The following MMP26 variants were observed in gnomAD, a reference collection of about 807,000 sequenced individuals.
MMP26 encodes the protein matrix metallopeptidase 26.
A neutral mutation model predicts 31.0 loss-of-function variants in MMP26; 33 were observed. That is an observed-to-expected ratio of 1.06 (90% CI 0.81 to 1.42). The LOEUF (loss-of-function observed/expected upper bound fraction) is 1.42, where lower values mean the gene tolerates loss of function less well. Ranked by LOEUF, MMP26 falls within the 40% of genes most tolerant of loss-of-function variation. The probability of loss-of-function intolerance (pLI) is 0.00; values close to 1 mark genes in which losing one functional copy is unlikely to be tolerated. For missense variants in MMP26, 347 were observed against 316.1 expected (o/e 1.10, Z -0.74); for synonymous variants, 122 against 114.9 (o/e 1.06, Z -0.40).
At chr11:4,815,027 T>A (rs1413750918) in intron 2 of MMP26, among the ~76,000 whole-genome samples, 1 of 152,128 alleles carries the variant, frequency 6.6e-6, no homozygotes, top group Non-Finnish European at 1.5e-5. Flanking sequence ...AGATATACAT[T>A]TTTTTCAGTC....
At chr11:4,799,097 C>G (rs748618184) in intron 2 of MMP26, among the ~76,000 whole-genome samples, 7 of 152,140 alleles carry the variant, frequency 4.6e-5, no homozygotes, top group Non-Finnish European at 8.8e-5. Context: ...AAAATGGAGT[C>G]CCTCAGTCAA....
At chr11:4,859,904 C>T (rs1320312013) in intron 2 of MMP26, 2 of 471,070 alleles carry the variant, frequency 4.2e-6, no homozygotes, top group Non-Finnish European at 8.8e-6. Flanking sequence ...AGGGTGAGTA[C>T]ATAAGACAGT....
In MMP26 at chr11:4,779,247, A is replaced by T. The variant is rs529218984; in HGVS notation, c.-145+11906A>T. 1.6e-4 allele frequency among the ~76,000 whole-genome samples: 24 copies of T among 152,100 alleles called. No homozygotes were observed. In the South Asian group the frequency reaches 5.0e-3, roughly 32 times the overall value. ...TATGATTTTTGAAGAGAAATTTTCT[A>T]TTTCTGGTTTACTAAGTTACCATGA... On this transcript the variant is annotated intron_variant, in intron 2 of 7. Coordinates refer to ENST00000380390, the MANE Select transcript of MMP26 (RefSeq NM_021801.5).
At chr11:4,926,736 G>T (rs1449430904) in intron 2 of MMP26, among the ~76,000 whole-genome samples, 1 of 152,022 alleles carries the variant, frequency 6.6e-6, no homozygotes, top group Admixed American at 6.6e-5. Flanking sequence ...TTTTGGATAT[G>T]GGTAAGAGGC....
intron 2 of MMP26, among the ~76,000 whole-genome samples, chr11:4,957,641 T>C (rs1230703238): frequency 6.6e-6 from 1 of 152,166 alleles, no homozygotes; most frequent in Non-Finnish European, 1.5e-5. Context: ...TGGTTGCCTG[T>C]TAAACTCACA....
intron 2 of MMP26, among the ~76,000 whole-genome samples, chr11:4,868,246 G>C (rs1050119264): frequency 6.6e-6 from 1 of 152,074 alleles, no homozygotes; most frequent in Non-Finnish European, 1.5e-5. Flanking sequence ...TGTGCTGGAG[G>C]GTATTCAGTT....
intron 1 of MMP26, chr11:4,719,041 G>A (rs1210814906): frequency 6.3e-6 from 1 of 157,980 alleles, no homozygotes; most frequent in Non-Finnish European, 1.4e-5. Flanking sequence ...TCTTAAAATA[G>A]CACAGATTTG....
At chr11:4,882,517 C>G in intron 2 of MMP26, 1 of 1,613,924 alleles carries the variant, frequency 6.2e-7, no homozygotes, top group South Asian at 1.1e-5. Flanking sequence ...TTCTTCAGCT[C>G]TACCTGAATG....
At chr11:4,968,070 C>G (rs1254126377) in intron 2 of MMP26, among the ~76,000 whole-genome samples, 1 of 152,058 alleles carries the variant, frequency 6.6e-6, no homozygotes, top group Non-Finnish European at 1.5e-5. Context: ...TTTCATGAAT[C>G]CATTCAGTTC....
chr11:4,824,022 T>G (rs921660231), intron 2 of MMP26, among the ~76,000 whole-genome samples: 24 of 152,144 alleles, frequency 1.6e-4, no homozygotes, highest in African/African-American at 5.8e-4. Context: ...TGGGTATTCT[T>G]TGTTTAATGA....
At chr11:4,924,047 G>A (rs1280543796) in intron 2 of MMP26, 3 of 1,614,156 alleles carry the variant, frequency 1.9e-6, no homozygotes, top group Admixed American at 1.7e-5. Flanking sequence ...AGTGAAACAG[G>A]CAGGGATGCC....
At chr11:4,802,823 A>G (rs980364090) in intron 2 of MMP26, among the ~76,000 whole-genome samples, 1 of 152,160 alleles carries the variant, frequency 6.6e-6, no homozygotes, top group African/African-American at 2.4e-5. Context: ...TTAAGATTAT[A>G]TCTTGCTTAT....
intron 2 of MMP26, among the ~76,000 whole-genome samples, chr11:4,940,054 A>AC (rs1846185808): frequency 6.6e-6 from 1 of 151,510 alleles, no homozygotes; most frequent in Non-Finnish European, 1.5e-5. Flanking sequence ...TAGGACAAAC[A>AC]CCCCCAAATG....
intron 2 of MMP26, among the ~76,000 whole-genome samples, chr11:4,777,949 T>G (rs1013938615): frequency 2.0e-5 from 3 of 152,114 alleles, no homozygotes; most frequent in Non-Finnish European, 4.4e-5. Context: ...TATGCATACC[T>G]TTTCAATGGT....
intron 2 of MMP26, among the ~76,000 whole-genome samples, chr11:4,979,681 T>C (rs529056334): frequency 6.6e-6 from 1 of 152,230 alleles, no homozygotes; most frequent in South Asian, 2.1e-4. Flanking sequence ...CTCCTTTTAA[T>C]GCACTTGTGT....
At chr11:4,712,415 C>T (rs1056244214) in intron 1 of MMP26, 2 of 152,108 alleles carry the variant, frequency 1.3e-5, no homozygotes, top group Non-Finnish European at 2.9e-5. Flanking sequence ...AATGGAAAAA[C>T]AACCAGCCCA....
chr11:4,721,829 A>C (rs930120239), intron 1 of MMP26, among the ~76,000 whole-genome samples: 1 of 152,172 alleles, frequency 6.6e-6, no homozygotes, highest in Non-Finnish European at 1.5e-5. Flanking sequence ...CAGAAGGAGA[A>C]TGTAGAGTTG....
chr11:4,809,470 A>G (rs1849321378), intron 2 of MMP26, among the ~76,000 whole-genome samples: 1 of 152,134 alleles, frequency 6.6e-6, no homozygotes, highest in Non-Finnish European at 1.5e-5. Flanking sequence ...CAATGATCTC[A>G]CCCATTATGT....
rs3064937 is a variant in MMP26 at position 4,835,203 on chromosome 11, G to GACACACACACACACAC, written c.-145+67878_-145+67893dup. On this transcript the variant is annotated intron_variant, in intron 2 of 7. Coordinates refer to ENST00000380390, the MANE Select transcript of MMP26 (RefSeq NM_021801.5). ...TCTCTCTCTCTTCCTCTCTCTTTCT[G>GACACACACACACACAC]ACACACACACACACACACACACACA... Among the ~76,000 whole-genome samples the GACACACACACACACAC allele has an allele frequency of 5.5e-3, 793 of 143,218 alleles. 10 individuals carry two copies. Among genetic ancestry groups the GACACACACACACACAC allele is most frequent in the Middle Eastern group, 0.014 (4 of 292 alleles). The allele number at this position is 143,218 out of a possible 152,430, so 94.0% of individuals were successfully genotyped here. A position where few individuals can be genotyped will look rare whatever the true frequency, so the allele number is the denominator to read the frequency against.
Sources: gnomAD v4.1 joint callset for allele counts (sites outside exome capture counted in the v4.1 genomes callset) on GRCh38, gnomAD v4.1.1 for gene constraint, MANE v1.5 for transcripts, NCBI Gene and HGNC (gene_info 2026-07-23, HGNC 2026-07-21) for gene names.